Variants in AGBL4 observed in about 807,000 individuals in gnomAD.
AGBL4 encodes the protein cytosolic carboxypeptidase 6.
In AGBL4, 58 loss-of-function variants were observed where a neutral mutation model predicts 66.4. That is an observed-to-expected ratio of 0.87 (90% CI 0.71 to 1.09). The LOEUF (loss-of-function observed/expected upper bound fraction) is 1.09. AGBL4 is among the 50% of genes least tolerant of loss of function. The probability of loss-of-function intolerance (pLI) is 0.00; values close to 1 mark genes in which losing one functional copy is unlikely to be tolerated. For synonymous variants in AGBL4, 234 were observed against 222.9 expected (o/e 1.05, Z -0.44); for missense variants, 579 against 631.0 (o/e 0.92, Z 0.88).
intron 5 of AGBL4, among the ~76,000 whole-genome samples, chr1:48,960,939 C>A (rs1249328808): frequency 6.6e-6 from 1 of 152,220 alleles, no homozygotes; most frequent in East Asian, 1.9e-4. Context: ...GCAATTAGGA[C>A]CCTTAATTGT....
At chr1:49,145,709 A>C (rs1445924360) in intron 4 of AGBL4, among the ~76,000 whole-genome samples, 3 of 152,142 alleles carry the variant, frequency 2.0e-5, no homozygotes, top group Non-Finnish European at 4.4e-5. Flanking sequence ...TTCTTCAAAA[A>C]ACTAAAAATA....
At chr1:48,788,154 A>G (rs1467437744) in intron 6 of AGBL4, among the ~76,000 whole-genome samples, 4 of 152,256 alleles carry the variant, frequency 2.6e-5, no homozygotes, top group Non-Finnish European at 4.4e-5. Context: ...AGATCCTTAT[A>G]AGGTTTTCAT....
chr1:48,529,690 G>A (rs866265388), downstream of AGBL4, among the ~76,000 whole-genome samples: 2 of 152,246 alleles, frequency 1.3e-5, no homozygotes, highest in Middle Eastern at 3.4e-3. Flanking sequence ...CAAGAAATGA[G>A]GGACATAGTA....
chr1:49,806,613 T>C (rs1644982328), intron 2 of AGBL4, among the ~76,000 whole-genome samples: 2 of 152,324 alleles, frequency 1.3e-5, no homozygotes, highest in South Asian at 4.1e-4. Flanking sequence ...ATACTAATGG[T>C]GTAACCAAGT....
intron 1 of AGBL4, among the ~76,000 whole-genome samples, chr1:50,002,359 CTTTTTT>C (rs372960346): frequency 1.4e-4 from 13 of 96,030 alleles, no homozygotes; most frequent in African/African-American, 4.5e-4. Context: ...TGCCCTAGTT[CTTTTTT>C]TTTTTTTTTT....
At chr1:49,603,011 A>G (rs1293592658) in intron 3 of AGBL4, among the ~76,000 whole-genome samples, 3 of 152,104 alleles carry the variant, frequency 2.0e-5, no homozygotes, top group Non-Finnish European at 4.4e-5. Flanking sequence ...TCCCCTTTTT[A>G]TAAATTAGGA....
At chr1:48,983,702 A>T (rs564741448) in intron 5 of AGBL4, among the ~76,000 whole-genome samples, 1 of 152,318 alleles carries the variant, frequency 6.6e-6, no homozygotes, top group Admixed American at 6.5e-5. Context: ...TGGTTCAGCC[A>T]CTTACTAGCT....
chr1:49,995,085 A>G, intron 1 of AGBL4: 2 of 455,462 alleles, frequency 4.4e-6, no homozygotes, highest in Non-Finnish European at 8.8e-6. Flanking sequence ...GGAGAAGGAA[A>G]CTTCCAGCTG....
intron 3 of AGBL4, among the ~76,000 whole-genome samples, chr1:49,438,117 A>G (rs935555947): frequency 4.2e-4 from 64 of 152,182 alleles, no homozygotes; most frequent in African/African-American, 1.5e-3. Flanking sequence ...CATGTGAGGA[A>G]ATGGGTTTAG....
chr1:49,578,778 A>C (rs915149568), intron 3 of AGBL4, among the ~76,000 whole-genome samples: 5 of 152,106 alleles, frequency 3.3e-5, no homozygotes, highest in African/African-American at 1.2e-4. Flanking sequence ...TTATTTGAAG[A>C]TTATGTATGC....
intron 4 of AGBL4, among the ~76,000 whole-genome samples, chr1:49,216,396 C>A (rs778471934): frequency 6.6e-6 from 1 of 151,592 alleles, no homozygotes; most frequent in Non-Finnish European, 1.5e-5. Flanking sequence ...AGTTTTCAAC[C>A]CTTTCCCTAC....
chr1:49,409,149 G>GCTCCCTCTCTCTCTCT (rs1553197344), intron 3 of AGBL4, among the ~76,000 whole-genome samples: 1 of 145,976 alleles, frequency 6.9e-6, no homozygotes, highest in African/African-American at 2.5e-5. Context: ...ACTCTCTCTG[G>GCTCCCTCTCTCTCTCT]CTCTCTCTCT....
chr1:49,368,093 CTG>C (rs973613751), intron 3 of AGBL4, among the ~76,000 whole-genome samples: 2 of 152,094 alleles, frequency 1.3e-5, no homozygotes, highest in African/African-American at 4.8e-5. Flanking sequence ...ATGTATCAGT[CTG>C]TCATTCTTTT....
rs533579869 is a variant in AGBL4, at chr1:49,626,113, T to C, written c.282+71200A>G. ...TCTAACCTTGTGGTTCCTGGATCCA[T>C]ATATTCTTTCTATGTAGAATGCAGT... On this transcript the variant is annotated intron_variant, in intron 3 of 13. Coordinates refer to ENST00000371839, the MANE Select transcript of AGBL4 (RefSeq NM_032785.4). Among the ~76,000 whole-genome samples, 5 of 152,308 alleles carry C rather than the reference T, an allele frequency of 3.3e-5. No homozygotes were observed. The East Asian group carries it at 7.7e-4, about 24-fold the overall frequency.
chr1:49,007,051 A>G (rs1470409908), intron 5 of AGBL4, among the ~76,000 whole-genome samples: 2 of 94,618 alleles, frequency 2.1e-5, no homozygotes, highest in African/African-American at 5.7e-5. Context: ...AGCTGAGAGA[A>G]GAAGGCTTCA....
intron 4 of AGBL4, among the ~76,000 whole-genome samples, chr1:49,222,851 C>T (rs575730306): frequency 2.6e-5 from 4 of 152,108 alleles, no homozygotes; most frequent in South Asian, 2.1e-4. Context: ...ATACTGAACC[C>T]AGAGCATAGT....
chr1:49,821,914 TA>T (rs1181337280), intron 2 of AGBL4, among the ~76,000 whole-genome samples: 4 of 152,178 alleles, frequency 2.6e-5, no homozygotes, highest in African/African-American at 9.7e-5. Flanking sequence ...TTTTAACTAA[TA>T]AACATTTCTT....
intron 4 of AGBL4, among the ~76,000 whole-genome samples, chr1:49,184,200 A>G (rs1183600796): frequency 6.6e-6 from 1 of 152,204 alleles, no homozygotes. Context: ...TCTACAGAGG[A>G]GACCAAGTCT....
At chr1:48,980,732 TA>T (rs200995649) in intron 5 of AGBL4, among the ~76,000 whole-genome samples, 3 of 12,206 alleles carry the variant, frequency 2.5e-4, no homozygotes, top group East Asian at 1.4e-3. Flanking sequence ...TATATATATA[TA>T]TATATATATA....
Sources: allele counts gnomAD v4.1 joint callset (sites outside exome capture counted in the v4.1 genomes callset), GRCh38; gene constraint gnomAD v4.1.1; transcripts MANE v1.5; gene names NCBI Gene and HGNC (gene_info 2026-07-23, HGNC 2026-07-21).